ZKSCAN7: variants seen among roughly 807,000 people sequenced by gnomAD.
ZKSCAN7 encodes zinc finger with KRAB and SCAN domains 7.
Under a neutral mutation model 65.3 loss-of-function variants are expected in ZKSCAN7, and 38 were observed. That is an observed-to-expected ratio of 0.58 (90% CI 0.45 to 0.76). The LOEUF (loss-of-function observed/expected upper bound fraction) is 0.76. Ranked by LOEUF, ZKSCAN7 falls within the 30% of genes least tolerant of loss-of-function variation. The pLI, the probability that ZKSCAN7 is intolerant of heterozygous loss-of-function variation, is 0.00. For missense variants in ZKSCAN7, 815 were observed against 913.3 expected (o/e 0.89, Z 1.39); for synonymous variants, 321 against 321.0 (o/e 1.00, Z 0.00).
intron 5 of ZKSCAN7, among the ~76,000 whole-genome samples, chr3:44,579,291 C>G (rs978758763): frequency 6.6e-6 from 1 of 152,254 alleles, no homozygotes; most frequent in East Asian, 1.9e-4. Flanking sequence ...CGCTCCCGCT[C>G]CAGCTCCCCA....
downstream of ZKSCAN7, among the ~76,000 whole-genome samples, chr3:44,574,886 C>T (rs1318057455): frequency 3.9e-5 from 6 of 152,142 alleles, no homozygotes; most frequent in Non-Finnish European, 7.4e-5. Context: ...GCCAAGATCT[C>T]ACCATTATAC....
At chr3:44,560,683 T>TA (rs1699449755) in intron 2 of ZKSCAN7, among the ~76,000 whole-genome samples, 1 of 152,052 alleles carries the variant, frequency 6.6e-6, no homozygotes, top group Non-Finnish European at 1.5e-5. Flanking sequence ...TAATTTTTTG[T>TA]ATTTTTAGTA....
intron 2 of ZKSCAN7, 122 bp downstream of exon 2, chr3:44,557,592 C>A: frequency 7.2e-7 from 1 of 1,395,690 alleles, no homozygotes; most frequent in Non-Finnish European, 9.7e-7. Context: ...CTGAACTTGT[C>A]CTGTGGATAG....
Position 44,565,521 on chromosome 3 carries a change from T to C in ZKSCAN7, c.458T>C (p.Phe153Ser), listed in dbSNP as rs13081859. 0.29 allele frequency: 462,692 copies of C among 1,609,718 alleles called. 72,023 individuals carry two copies. Among genetic ancestry groups the C allele is most frequent in the African/African-American group, 0.32 (23,807 of 74,834 alleles). ...SAPAQKQEMH[F>S]EETTALGTTK... ...CCAGCACAGAAACAGGAAATGCATTTTGAGGAGACAACAGCTCTGGGTACA... is the reference window on the plus strand; with the variant it reads ...CCAGCACAGAAACAGGAAATGCATTCTGAGGAGACAACAGCTCTGGGTACA... The change falls in exon 3 of 6, where the codon TTT (phenylalanine) becomes TCT (serine). Residue 153 changes from phenylalanine to serine, a missense_variant. Phe to Ser is a radical substitution (Grantham distance 155). Transcript: ENST00000426540.
chr3:44,565,528 G>A lies in ZKSCAN7; in HGVS notation c.465G>A (p.Glu155=), dbSNP rs776810449. The A allele has an allele frequency of 1.9e-6, 3 of 1,611,024 alleles. No individual in the cohort carries two copies. The highest frequency in any genetic ancestry group is 2.5e-6 in the Non-Finnish European group (3 of 1,178,794). ...PAQKQEMHFE[E]TTALGTTKES... is the part of the protein sequence containing the mutation. ...AGAAACAGGAAATGCATTTTGAGGA[G>A]ACAACAGCTCTGGGTACAACAAAGG... is the stretch of plus-strand genomic sequence containing the variant. Residue 155 remains glutamate, a synonymous_variant, in exon 3 of 6, where the codon GAG becomes GAA. Transcript: ENST00000426540.
chr3:44,579,447 G>C (rs1330881286), intron 5 of ZKSCAN7, among the ~76,000 whole-genome samples: 1 of 152,190 alleles, frequency 6.6e-6, no homozygotes, highest in Non-Finnish European at 1.5e-5. Flanking sequence ...TCCCACGTGC[G>C]GCTCCTCTTC....
intron 5 of ZKSCAN7, 147 bp downstream of exon 5, chr3:44,568,580 T>A: frequency 8.7e-7 from 1 of 1,150,440 alleles, no homozygotes; most frequent in Non-Finnish European, 1.2e-6. Context: ...TCTGCATTCA[T>A]CACTGAGATT....
At chr3:44,568,256 C>G (rs749819680) in intron 4 of ZKSCAN7, 51 bp from the exon 5 acceptor site, 3 of 1,594,092 alleles carry the variant, frequency 1.9e-6, no homozygotes, top group African/African-American at 2.7e-5. Flanking sequence ...CCTGATGACT[C>G]TGCCCTTCAG....
chr3:44,568,180 G>A, intron 4 of ZKSCAN7, 127 bp from the exon 5 acceptor site: 1 of 1,539,068 alleles, frequency 6.5e-7, no homozygotes, highest in Non-Finnish European at 8.8e-7. Flanking sequence ...TTTTCGAGGT[G>A]TCATCTCAGC....
At chr3:44,564,625 A>T (rs1355358082) in intron 2 of ZKSCAN7, among the ~76,000 whole-genome samples, 1 of 152,226 alleles carries the variant, frequency 6.6e-6, no homozygotes. Flanking sequence ...TCTGAAGAGG[A>T]GATACTTTTG....
intron 2 of ZKSCAN7, among the ~76,000 whole-genome samples, chr3:44,563,867 G>A (rs1699554542): frequency 6.6e-6 from 1 of 152,232 alleles, no homozygotes; most frequent in Non-Finnish European, 1.5e-5. Flanking sequence ...GTATTGAAGA[G>A]CTGTGACTTC....
intron 2 of ZKSCAN7, among the ~76,000 whole-genome samples, chr3:44,558,782 A>ATTTTTTTTTTTTTTTTTTTT (rs35709621): frequency 1.1e-5 from 1 of 92,712 alleles, no homozygotes; most frequent in Non-Finnish European, 2.0e-5. Flanking sequence ...TTTCTTCTTC[A>ATTTTTTTTTTTTTTTTTTTT]TTTTTTTTTT....
rs769789425 is a variant in ZKSCAN7, at chr3:44,570,948, G to T, written c.1838G>T (p.Gly613Val). The change falls in exon 6 of 6, where the codon GGT (glycine) becomes GTT (valine). Residue 613 changes from glycine to valine, a missense_variant. By Grantham distance (109) the Gly-to-Val change is moderately radical. This residue lies in a region of ZKSCAN7 where 578 missense variants were observed against 629.5 expected (regional missense o/e 0.92). Transcript: ENST00000426540. ...AAACCTTTTGAATGTAGCGAGTGTG[G>T]TAAGGCATTTGGTCTGAGTAAATGT... ...GEKPFECSEC[G>V]KAFGLSKCLI... 6 of 1,614,028 alleles carry T rather than the reference G, an allele frequency of 3.7e-6. No individual in the cohort carries two copies. In the Admixed American group the frequency reaches 8.3e-5, roughly 22 times the overall value.
chr3:44,570,175 C>G lies in ZKSCAN7; in HGVS notation c.1065C>G (p.Asp355Glu), dbSNP rs778712130. 108 of 1,614,052 alleles carry G rather than the reference C, an allele frequency of 6.7e-5. No homozygotes were observed. Among genetic ancestry groups the G allele is most frequent in the Non-Finnish European group, 8.7e-5 (103 of 1,180,036 alleles). ...AAAAATCCACAAAAGACAGATATGA[C>G]AAATATAAGGAAGTTGGGGAACATC... Reference protein sequence around the residue: ...DKKKSTKDRYDKYKEVGEHPP... With the variant: ...DKKKSTKDRYEKYKEVGEHPP... Residue 355 changes from aspartate to glutamate, a missense_variant, in exon 6 of 6, where the codon GAC becomes GAG. Asp to Glu is a conservative substitution (Grantham distance 45, BLOSUM62 2). Around this residue, in one of 3 missense-constraint regions of ZKSCAN7, gnomAD observed 578 missense variants for 629.5 expected, o/e 0.92. Transcript: ENST00000426540.
intron 5 of ZKSCAN7, chr3:44,580,877 G>C (rs72860788): frequency 0.3 from 487,178 of 1,613,092 alleles, 79,949 homozygotes; most frequent in African/African-American, 0.45. Context: ...GAGCCAGGAG[G>C]AGCCAACCGC....
downstream of ZKSCAN7, among the ~76,000 whole-genome samples, chr3:44,572,346 T>TTG (rs3080634): frequency 0.034 from 4,834 of 143,622 alleles, 80 homozygotes; most frequent in Admixed American, 0.064. Context: ...CGAATGGATT[T>TTG]TGTGTGTGTG....
chr3:44,570,871 C>T lies in ZKSCAN7; in HGVS notation c.1761C>T (p.Ala587=). The change falls in exon 6 of 6, where the codon GCC becomes GCT. Residue 587 remains alanine, a synonymous_variant. Transcript: ENST00000426540. ...ACAAATGTAGTGAATGTGGGAAAGCCTTCAATCAGAACTCTCAACTCATTG... is the reference window on the plus strand; with the variant it reads ...ACAAATGTAGTGAATGTGGGAAAGCTTTCAATCAGAACTCTCAACTCATTG... The part of the protein sequence containing the change: ...KPYKCSECGK[A]FNQNSQLIEH... 1.2e-6 allele frequency: 2 copies of T among 1,614,148 alleles called. No homozygotes were observed. Among genetic ancestry groups the T allele is most frequent in the Admixed American group, 3.3e-5 (2 of 60,022 alleles).
At chr3:44,575,427 G>A (rs1227563936), downstream of ZKSCAN7, among the ~76,000 whole-genome samples, 1 of 152,196 alleles carries the variant, frequency 6.6e-6, no homozygotes, top group Non-Finnish European at 1.5e-5. Context: ...AAATTAGTCA[G>A]TATGTGTAAG....
intron 5 of ZKSCAN7, chr3:44,582,945 T>TGTGTGA (rs71092320): frequency 5.0e-5 from 21 of 421,008 alleles, no homozygotes; most frequent in African/African-American, 4.2e-4. Flanking sequence ...TGTGTGTGTG[T>TGTGTGA]GACTGAGTTT....
Sources: allele counts gnomAD v4.1 joint callset (sites outside exome capture counted in the v4.1 genomes callset), GRCh38; gene constraint gnomAD v4.1.1; regional missense constraint gnomAD v4.1.1; transcripts MANE v1.5; gene names NCBI Gene and HGNC (gene_info 2026-07-23, HGNC 2026-07-21).